Variants in KCNQ1 observed in about 807,000 individuals in gnomAD.
KCNQ1 encodes the protein potassium voltage-gated channel subfamily Q member 1.
KCNQ1 carries 49 observed loss-of-function variants against 72.4 expected under a neutral mutation model. That is an observed-to-expected ratio of 0.68 (90% CI 0.54 to 0.86). The LOEUF is 0.86. KCNQ1 is among the 40% of genes least tolerant of loss of function. The probability of loss-of-function intolerance (pLI) is 0.00; values close to 1 mark genes in which losing one functional copy is unlikely to be tolerated. For missense variants in KCNQ1, 790 were observed against 945.1 expected, an observed-to-expected ratio of 0.84 and a Z score of 2.15; for synonymous variants, 450 against 412.6, an observed-to-expected ratio of 1.09 and a Z score of -1.10.
In KCNQ1 at chr11:2,739,721, C is replaced by T. The variant is rs537423057; in HGVS notation, c.1515-29123C>T. ...TGACATGCTCCGTCTTAAGGCAGGT[C>T]GGCTGCTCCGAGGACTGCCGGCCCT... is the stretch of plus-strand genomic sequence containing the variant. On this transcript the variant is annotated intron_variant, in intron 11 of 15. Transcript: ENST00000155840. Among the ~76,000 whole-genome samples the T allele has an allele frequency of 5.3e-5, 8 of 152,344 alleles. No homozygotes were observed. In the East Asian group the frequency reaches 7.7e-4, roughly 15 times the overall value.
Position 2,495,962 on chromosome 11 carries a change from G to A in KCNQ1, c.387-31966G>A, listed in dbSNP as rs1846907492. ...TGTTAAAGTCTCGCACTGTTATTGA[G>A]TAGGAATATAAGTCTCTTTGTAGGT... is the stretch of plus-strand genomic sequence containing the variant. On this transcript the variant is annotated intron_variant, in intron 1 of 15. Transcript: ENST00000155840. This position sits in a 1 kb window ranked among gnomAD's most constrained non-coding sequence, Gnocchi z 4.6. Among the ~76,000 whole-genome samples, 1 of 152,174 alleles carries A rather than the reference G, an allele frequency of 6.6e-6. No individual in the cohort carries two copies. Among genetic ancestry groups the A allele is most frequent in the South Asian group, 2.1e-4 (1 of 4,830 alleles).
chr11:2,819,942 C>G (rs1847697512), intron 15 of KCNQ1, among the ~76,000 whole-genome samples: 1 of 152,158 alleles, frequency 6.6e-6, no homozygotes, highest in Admixed American at 6.5e-5. Context: ...ATTCAATTCC[C>G]TCGGTAGCAG....
rs1462690958 is a variant in KCNQ1, at chr11:2,450,143, T to G, written c.386+4659T>G. ...AGCCCTGACATTCCAAACTGGCTTTTGGCCCCTGCGATATCTTGCTGTGAT... is the reference window on the plus strand; with the variant it reads ...AGCCCTGACATTCCAAACTGGCTTTGGGCCCCTGCGATATCTTGCTGTGAT... On this transcript the variant is annotated intron_variant, in intron 1 of 15. Coordinates refer to ENST00000155840, the MANE Select transcript of KCNQ1 (RefSeq NM_000218.3). The surrounding 1 kb of genome is among the most constrained non-coding windows in gnomAD (Gnocchi z 7.9). 6.6e-6 allele frequency among the ~76,000 whole-genome samples: 1 copy of G among 152,194 alleles called. No homozygotes were observed. The highest frequency in any genetic ancestry group is 6.5e-5 in the Admixed American group (1 of 15,282).
At chr11:2,708,005 G>T (rs1000889453) in intron 11 of KCNQ1, among the ~76,000 whole-genome samples, 5 of 152,212 alleles carry the variant, frequency 3.3e-5, no homozygotes, top group Admixed American at 1.3e-4. Context: ...CGAGGAGGTG[G>T]TGTGGGCAGC....
At position 2,750,765 on chromosome 11, in the gene KCNQ1, C is replaced by T. The variant is rs1846214027; in HGVS notation, c.1515-18079C>T. Among the ~76,000 whole-genome samples, 2 of 152,230 alleles carry T rather than the reference C, an allele frequency of 1.3e-5. No individual in the cohort carries two copies. Among genetic ancestry groups the T allele is most frequent in the Admixed American group, 6.5e-5 (1 of 15,290 alleles). On this transcript the variant is annotated intron_variant, in intron 11 of 15. Coordinates refer to ENST00000155840, the MANE Select transcript of KCNQ1 (RefSeq NM_000218.3). This position sits in a 1 kb window ranked among gnomAD's most constrained non-coding sequence, Gnocchi z 6.3. ...GGGCTGCTGGGCGAAATGGGATCCC[C>T]TGGCTCTTTCACTGAAAACACTTTT...
rs1850171498 is a variant in KCNQ1, at chr11:2,670,885, T to A, written c.1514+8804T>A. The A allele has an allele frequency of 2.5e-6, 1 of 398,650 alleles. No individual in the cohort carries two copies. Among genetic ancestry groups the A allele is most frequent in the Non-Finnish European group, 4.4e-6 (1 of 226,078 alleles). 24.7% of individuals were successfully genotyped at this position (398,650 alleles called of 1,614,324 possible). ...GCCAGTGGGCCACTGGGAAGCCTCC[T>A]GGATTGCCTGGACAAGGCTGACCTG... is the stretch of plus-strand genomic sequence containing the variant. On this transcript the variant is annotated intron_variant, in intron 11 of 15. Coordinates refer to ENST00000155840, the MANE Select transcript of KCNQ1 (RefSeq NM_000218.3). The surrounding 1 kb of genome is among the most constrained non-coding windows in gnomAD (Gnocchi z 4.9).
chr11:2,522,369 G>C (rs1293245667), intron 1 of KCNQ1, among the ~76,000 whole-genome samples: 1 of 152,100 alleles, frequency 6.6e-6, no homozygotes, highest in Non-Finnish European at 1.5e-5. Flanking sequence ...CTCTCCCAGG[G>C]CCTTAGTTTC....
rs758122394 is a variant in KCNQ1 at position 2,462,787 on chromosome 11, G to A, written c.386+17303G>A. ...AGGGTGCCGGGGGCAGGGAAGGCCT[G>A]GAGGTTTGAGGAGCAGAAAGTAGAC... On this transcript the variant is annotated intron_variant, in intron 1 of 15. Transcript: ENST00000155840. This position sits in a 1 kb window ranked among gnomAD's most constrained non-coding sequence, Gnocchi z 8.2. Among the ~76,000 whole-genome samples, 3 of 152,176 alleles carry A rather than the reference G, an allele frequency of 2.0e-5. No homozygotes were observed. Among genetic ancestry groups the A allele is most frequent in the African/African-American group, 4.8e-5 (2 of 41,448 alleles).
rs930858351 is a variant in KCNQ1 at position 2,803,591 on chromosome 11, G to A, written c.1794+25554G>A. 7.9e-5 allele frequency among the ~76,000 whole-genome samples: 12 copies of A among 152,116 alleles called. No individual in the cohort carries two copies. Among genetic ancestry groups the A allele is most frequent in the Admixed American group, 3.3e-4 (5 of 15,286 alleles). ...TTCAGTGGAGCCCGCCAGGACTGGG[G>A]ACACAAGCCTAGGCCTGTACCGTCT... On this transcript the variant is annotated intron_variant, in intron 15 of 15. Coordinates refer to ENST00000155840, the MANE Select transcript of KCNQ1 (RefSeq NM_000218.3). The surrounding 1 kb of genome is among the most constrained non-coding windows in gnomAD (Gnocchi z 6.4).
intron 15 of KCNQ1, among the ~76,000 whole-genome samples, chr11:2,837,512 G>A (rs1339007586): frequency 1.3e-5 from 2 of 152,244 alleles, no homozygotes; most frequent in Non-Finnish European, 2.9e-5. Flanking sequence ...GGGTCTCCCA[G>A]CGAGCAAGAG....
In KCNQ1 at chr11:2,660,722, C is replaced by T. The variant is rs1849937942; in HGVS notation, c.1394-1239C>T. The T allele has an allele frequency of 1.0e-5, 4 of 398,496 alleles. No individual in the cohort carries two copies. The South Asian group carries it at 3.8e-4, about 38-fold the overall frequency. 24.7% of individuals were successfully genotyped at this position (398,496 alleles called of 1,614,324 possible). A position where few individuals can be genotyped will look rare whatever the true frequency, so the allele number is the denominator to read the frequency against. Reference sequence around the variant, plus strand: ...TGACAACCTTCATTCGGGCTTCATTCAACACTTCATTCAGGCATGGATGTG... The same window carrying T: ...TGACAACCTTCATTCGGGCTTCATTTAACACTTCATTCAGGCATGGATGTG... On this transcript the variant is annotated intron_variant, in intron 10 of 15. Transcript: ENST00000155840.
At position 2,463,917 on chromosome 11, in the gene KCNQ1, G is replaced by A. The variant is rs1337894658; in HGVS notation, c.386+18433G>A. Reference sequence around the variant, plus strand: ...TCAGGGGGAAGGTTCTCCCCACGGTGTGAGGCAGCACCGAGGGCTCCGTGC... The same window carrying A: ...TCAGGGGGAAGGTTCTCCCCACGGTATGAGGCAGCACCGAGGGCTCCGTGC... On this transcript the variant is annotated intron_variant, in intron 1 of 15. Transcript: ENST00000155840. This position sits in a 1 kb window ranked among gnomAD's most constrained non-coding sequence, Gnocchi z 7.0. Among the ~76,000 whole-genome samples, 1 of 152,234 alleles carries A rather than the reference G, an allele frequency of 6.6e-6. No homozygotes were observed. The highest frequency in any genetic ancestry group is 1.5e-5 in the Non-Finnish European group (1 of 68,042).
chr11:2,777,548 C>A, intron 14 of KCNQ1: 1 of 548,570 alleles, frequency 1.8e-6, no homozygotes, highest in Non-Finnish European at 3.2e-6. Flanking sequence ...AAGGCACATT[C>A]CCTGGGGTTT....
chr11:2,687,510 C>T lies in KCNQ1; in HGVS notation c.1514+25429C>T. ...ATCCCAGGCACCCTAGGACTTGAGA[C>T]CAGCCTCCTCTGTATGGTCCCTTCC... On this transcript the variant is annotated intron_variant, in intron 11 of 15. Coordinates refer to ENST00000155840, the MANE Select transcript of KCNQ1 (RefSeq NM_000218.3). This position sits in a 1 kb window ranked among gnomAD's most constrained non-coding sequence, Gnocchi z 5.0. 2.5e-6 allele frequency: 1 copy of T among 398,728 alleles called. No individual in the cohort carries two copies. The highest frequency in any genetic ancestry group is 4.4e-6 in the Non-Finnish European group (1 of 226,180). 24.7% of individuals were successfully genotyped at this position (398,728 alleles called of 1,614,324 possible). A position where few individuals can be genotyped will look rare whatever the true frequency, so the allele number is the denominator to read the frequency against.
rs1468750823 is a variant in KCNQ1 at position 2,677,809 on chromosome 11, T to G, written c.1514+15728T>G. On this transcript the variant is annotated intron_variant, in intron 11 of 15. Transcript: ENST00000155840. The surrounding 1 kb of genome is among the most constrained non-coding windows in gnomAD (Gnocchi z 4.5). The stretch of plus-strand genomic sequence containing the variant: ...ATTTCCAGCAGGATTAAAATGTTCA[T>G]TTATGTTGTGATAGATACTGCCAAA... 1 of 398,474 alleles carries G rather than the reference T, an allele frequency of 2.5e-6. No individual in the cohort carries two copies. The highest frequency in any genetic ancestry group is 2.1e-5 in the African/African-American group (1 of 48,642). The allele number at this position is 398,474 out of a possible 1,614,324, so 24.7% of individuals were successfully genotyped here. A position where few individuals can be genotyped will look rare whatever the true frequency, so the allele number is the denominator to read the frequency against.
At chr11:2,445,627 C>T (rs1055626325) in intron 1 of KCNQ1, 143 bp downstream of exon 1, 4 of 990,528 alleles carry the variant, frequency 4.0e-6, no homozygotes, top group Admixed American at 4.0e-5. Flanking sequence ...CGCAGAAACA[C>T]AAACTCTGCA....
At position 2,484,310 on chromosome 11, in the gene KCNQ1, C is replaced by T. The variant is rs1374875737; in HGVS notation, c.386+38826C>T. ...TCCTGAGTAGCTGGGATTACAGGCA[C>T]GTACCACCACGCCCAACTAATATTT... is the stretch of plus-strand genomic sequence containing the variant. On this transcript the variant is annotated intron_variant, in intron 1 of 15. Coordinates refer to ENST00000155840, the MANE Select transcript of KCNQ1 (RefSeq NM_000218.3). This position sits in a 1 kb window ranked among gnomAD's most constrained non-coding sequence, Gnocchi z 5.2. Among the ~76,000 whole-genome samples, 2 of 152,034 alleles carry T rather than the reference C, an allele frequency of 1.3e-5. No homozygotes were observed. The highest frequency in any genetic ancestry group is 2.4e-5 in the African/African-American group (1 of 41,388).
In KCNQ1 at chr11:2,538,319, A is replaced by T. The variant is rs1034016378; in HGVS notation, c.477+10301A>T. 6.6e-6 allele frequency among the ~76,000 whole-genome samples: 1 copy of T among 152,096 alleles called. No individual in the cohort carries two copies. The highest frequency in any genetic ancestry group is 2.4e-5 in the African/African-American group (1 of 41,416). On this transcript the variant is annotated intron_variant, in intron 2 of 15. Coordinates refer to ENST00000155840, the MANE Select transcript of KCNQ1 (RefSeq NM_000218.3). The surrounding 1 kb of genome is among the most constrained non-coding windows in gnomAD (Gnocchi z 6.7). ...TCTTGGGCAGGGAAGGGCGGTGGAC[A>T]TGGAGGCTTGGGGACAGTCCCCTGG... is the stretch of plus-strand genomic sequence containing the variant.
intron 10 of KCNQ1, chr11:2,631,755 T>C (rs1589992609): frequency 5.0e-6 from 2 of 398,640 alleles, no homozygotes; most frequent in East Asian, 7.1e-5. Flanking sequence ...TTCTTGCAGC[T>C]CCATCAGCTG....
Sources: gnomAD v4.1 joint callset for allele counts (sites outside exome capture counted in the v4.1 genomes callset) on GRCh38, gnomAD v4.1.1 for gene constraint, Gnocchi (gnomAD v3.1) non-coding constraint, MANE v1.5 for transcripts, NCBI Gene and HGNC (gene_info 2026-07-23, HGNC 2026-07-21) for gene names.